Variants in TRIT1 observed in about 807,000 individuals in gnomAD.
TRIT1 encodes tRNA dimethylallyltransferase.
In TRIT1, 43 loss-of-function variants were observed where a neutral mutation model predicts 51.2. The observed-to-expected ratio is 0.84, with a 90% CI of 0.66 to 1.08. The LOEUF (loss-of-function observed/expected upper bound fraction) is 1.08. Among genes scored for constraint, TRIT1 ranks in the 50% least tolerant of loss-of-function variants. The pLI is 0.00. For synonymous variants in TRIT1, 184 were observed against 203.9 expected (o/e 0.90, Z 0.83); for missense variants, 528 against 578.4 (o/e 0.91, Z 0.89).
At chr1:39,880,457 G>C (rs7533329) in intron 1 of TRIT1, among the ~76,000 whole-genome samples, 69,407 of 151,904 alleles carry the variant, frequency 0.46, 16,362 homozygotes, top group East Asian at 0.6. Flanking sequence ...CCAAATACTA[G>C]TGAGTCAACC....
intron 1 of TRIT1, among the ~76,000 whole-genome samples, chr1:39,870,533 AAAG>A (rs1392787699): frequency 1.3e-5 from 2 of 150,976 alleles, no homozygotes; most frequent in Admixed American, 6.6e-5. Context: ...AAAAAAAAAA[AAAG>A]AAGCTCAACA....
intron 1 of TRIT1, among the ~76,000 whole-genome samples, chr1:39,866,287 C>G (rs1643552088): frequency 6.6e-6 from 1 of 152,182 alleles, no homozygotes. Flanking sequence ...ATTCTCCTAT[C>G]TGAGCCTCCC....
At chr1:39,863,840 A>G (rs1370800486) in intron 1 of TRIT1, among the ~76,000 whole-genome samples, 1 of 152,164 alleles carries the variant, frequency 6.6e-6, no homozygotes, top group Non-Finnish European at 1.5e-5. Flanking sequence ...AAAGAAATCC[A>G]TAACAGAGAA....
chr1:39,878,551 G>T (rs1644143570), intron 1 of TRIT1, among the ~76,000 whole-genome samples: 1 of 152,176 alleles, frequency 6.6e-6, no homozygotes, highest in South Asian at 2.1e-4. Flanking sequence ...GTACACTTCT[G>T]AATAGAAAAT....
intron 3 of TRIT1, among the ~76,000 whole-genome samples, chr1:39,853,584 C>T (rs1032419131): frequency 1.1e-4 from 17 of 151,660 alleles, no homozygotes; most frequent in South Asian, 2.1e-4. Flanking sequence ...TTAGTAGAGA[C>T]GGGGTTTAGT....
At chr1:39,845,186 G>C (rs1485250245) in intron 8 of TRIT1, among the ~76,000 whole-genome samples, 1 of 152,258 alleles carries the variant, frequency 6.6e-6, no homozygotes, top group Non-Finnish European at 1.5e-5. Context: ...CCAGAAAGAA[G>C]TCTTAGAATT....
rs1641912181 is a variant in TRIT1 at position 39,841,712 on chromosome 1, A to G, written c.*32T>C. The G allele has an allele frequency of 6.3e-7, 1 of 1,588,194 alleles. No individual in the cohort carries two copies. Among genetic ancestry groups the G allele is most frequent in the African/African-American group, 1.4e-5 (1 of 73,906 alleles). ...CCCCTCCCTCCTGAACTGGATCCCC[A>G]CCACCTTTCCAAAGGCCACTGGACA... On this transcript the variant is annotated 3_prime_UTR_variant, in exon 11 of 11. Transcript: ENST00000316891.
Position 39,847,639 on chromosome 1 carries a change from G to C in TRIT1, c.837C>G (p.Ile279Met). 6.2e-7 allele frequency: 1 copy of C among 1,614,226 alleles called. No homozygotes were observed. Among genetic ancestry groups the C allele is most frequent in the South Asian group, 1.1e-5 (1 of 91,088 alleles). ...SENSQDYQHGIFQSIGFKEFH... is the reference protein window; with the variant it reads ...SENSQDYQHGMFQSIGFKEFH... ...ATTCCTTGAAGCCAATTGATTGGAA[G>C]ATACCATGTTGATAGTCCTGGCTGG... Residue 279 changes from isoleucine to methionine, a missense_variant, in exon 7 of 11, where the codon ATC becomes ATG. Around this residue, in one of 3 missense-constraint regions of TRIT1, gnomAD observed 468 missense variants for 522.6 expected, o/e 0.90. Transcript: ENST00000316891.
chr1:39,869,800 G>A (rs971218858), intron 1 of TRIT1, among the ~76,000 whole-genome samples: 7 of 150,532 alleles, frequency 4.7e-5, no homozygotes, highest in Non-Finnish European at 8.9e-5. Context: ...CGGCCGCCCC[G>A]TCTGAGAAGT....
intron 1 of TRIT1, among the ~76,000 whole-genome samples, chr1:39,869,906 C>T (rs943141909): frequency 2.0e-5 from 3 of 151,938 alleles, no homozygotes; most frequent in African/African-American, 7.3e-5. Context: ...ACAGCCTCTG[C>T]CCGGCCAGCC....
At chr1:39,853,908 A>C in intron 3 of TRIT1, 62 bp downstream of exon 3, 1 of 1,182,466 alleles carries the variant, frequency 8.5e-7, no homozygotes, top group South Asian at 1.3e-5. Context: ...TCTCCCACTG[A>C]AATTAGACAG....
rs1389757346 is a variant in TRIT1 at position 39,840,573 on chromosome 1, T to C, written c.*1171A>G. On this transcript the variant is annotated 3_prime_UTR_variant, in exon 11 of 11. Transcript: ENST00000316891. ...GAAGGCAAGAACCACATCTCATCTCTGCATTCCCTTTAGCCTAATTCAGGG... is the reference window on the plus strand; with the variant it reads ...GAAGGCAAGAACCACATCTCATCTCCGCATTCCCTTTAGCCTAATTCAGGG... Among the ~76,000 whole-genome samples the C allele has an allele frequency of 6.6e-6, 1 of 152,220 alleles. No individual in the cohort carries two copies. The highest frequency in any genetic ancestry group is 1.9e-4 in the East Asian group (1 of 5,194).
chr1:39,843,859 C>G (rs1424242177), intron 10 of TRIT1, among the ~76,000 whole-genome samples: 5 of 152,186 alleles, frequency 3.3e-5, no homozygotes, highest in Non-Finnish European at 7.3e-5. Flanking sequence ...CTGCAGATCT[C>G]TTAGTATAAA....
At chr1:39,849,192 T>A (rs1415195518) in intron 5 of TRIT1, among the ~76,000 whole-genome samples, 2 of 152,192 alleles carry the variant, frequency 1.3e-5, no homozygotes, top group African/African-American at 4.8e-5. Flanking sequence ...TATTAATTCA[T>A]CTAATCCTTG....
intron 1 of TRIT1, among the ~76,000 whole-genome samples, chr1:39,864,597 CAA>C (rs58041605): frequency 0.33 from 31,509 of 96,730 alleles, 3,468 homozygotes; most frequent in African/African-American, 0.37. Context: ...GACTCTGTCT[CAA>C]AAAAAAAAAA....
chr1:39,868,237 A>G (rs747615274), intron 1 of TRIT1, among the ~76,000 whole-genome samples: 1 of 152,226 alleles, frequency 6.6e-6, no homozygotes, highest in Non-Finnish European at 1.5e-5. Context: ...AAAAATGTAG[A>G]ACTTTTGCTC....
Position 39,883,436 on chromosome 1 carries a change from A to G in TRIT1, c.56T>C (p.Leu19Pro), listed in dbSNP as rs751577221. 6.2e-7 allele frequency: 1 copy of G among 1,613,124 alleles called. No individual in the cohort carries two copies. Among genetic ancestry groups the G allele is most frequent in the Non-Finnish European group, 8.5e-7 (1 of 1,179,384 alleles). Reference protein sequence around the residue: ...AVPVGSGLRGLQRTLPLVVIL... With the variant: ...AVPVGSGLRGPQRTLPLVVIL... ...CACTACAAGAGGTAGGGTCCGTTGCAGGCCCCTGAGCCCACTGCCCACGGG... is the reference window on the plus strand; with the variant it reads ...CACTACAAGAGGTAGGGTCCGTTGCGGGCCCCTGAGCCCACTGCCCACGGG... Residue 19 changes from leucine (L) to proline (P), a missense_variant, in exon 1 of 11, where the codon CTG becomes CCG. Leu to Pro is a moderately conservative substitution (Grantham distance 98). This residue lies in a region of TRIT1 where 55 missense variants were observed against 37.0 expected (regional missense o/e 1.49). Coordinates refer to ENST00000316891, the MANE Select transcript of TRIT1 (RefSeq NM_017646.6).
intron 1 of TRIT1, among the ~76,000 whole-genome samples, chr1:39,873,454 A>G (rs1164520348): frequency 6.6e-6 from 1 of 152,216 alleles, no homozygotes; most frequent in Non-Finnish European, 1.5e-5. Flanking sequence ...AAAGACAAGG[A>G]AAGACTGAAA....
At chr1:39,862,313 TAAAA>T (rs35360578) in intron 1 of TRIT1, among the ~76,000 whole-genome samples, 2 of 139,246 alleles carry the variant, frequency 1.4e-5, no homozygotes, top group Non-Finnish European at 3.1e-5. Context: ...TATCACAATT[TAAAA>T]AAAAAAAAAA....
Sources: gnomAD v4.1 joint callset for allele counts (sites outside exome capture counted in the v4.1 genomes callset) on GRCh38, gnomAD v4.1.1 for gene constraint, gnomAD v4.1.1 regional missense constraint, MANE v1.5 for transcripts, NCBI Gene and HGNC (gene_info 2026-07-23, HGNC 2026-07-21) for gene names.